The following TLN2 variants were observed in gnomAD, a reference collection of about 807,000 sequenced individuals.
TLN2 encodes talin-2.
A neutral mutation model predicts 294.7 loss-of-function variants in TLN2; 118 were observed. The observed-to-expected ratio is 0.40, with a 90% confidence interval of 0.34 to 0.47. The LOEUF (loss-of-function observed/expected upper bound fraction) is 0.47. Ranked by LOEUF, TLN2 falls within the 20% of genes least tolerant of loss-of-function variation. The probability of loss-of-function intolerance (pLI) is 0.84; values close to 1 mark genes in which losing one functional copy is unlikely to be tolerated. For synonymous variants in TLN2, 1,431 were observed against 1,304.5 expected (o/e 1.10, Z -2.09); for missense variants, 3,083 against 3,282.2 (o/e 0.94, Z 1.48).
chr15:62,543,341 A>C (rs1165772943), intron 1 of TLN2, among the ~76,000 whole-genome samples: 1 of 152,236 alleles, frequency 6.6e-6, no homozygotes, highest in Non-Finnish European at 1.5e-5. Flanking sequence ...AGTACCTACT[A>C]TGCCAAGCTC....
At chr15:62,532,859 C>T (rs569061960) in intron 1 of TLN2, among the ~76,000 whole-genome samples, 4 of 152,246 alleles carry the variant, frequency 2.6e-5, no homozygotes, top group African/African-American at 9.6e-5. Context: ...AGATTAAGTA[C>T]TGAGTCTGAT....
intron 1 of TLN2, among the ~76,000 whole-genome samples, chr15:62,425,991 G>T (rs970992816): frequency 6.6e-6 from 1 of 152,218 alleles, no homozygotes; most frequent in Non-Finnish European, 1.5e-5. Context: ...CCCTTGACCT[G>T]TTAACTGCTT....
At chr15:62,536,700 T>C (rs1040709165) in intron 1 of TLN2, among the ~76,000 whole-genome samples, 4 of 152,162 alleles carry the variant, frequency 2.6e-5, no homozygotes, top group African/African-American at 9.7e-5. Flanking sequence ...CCTTGGGCCT[T>C]GTAAAGTCAG....
chr15:62,595,459 G>C (rs2046416575), intron 2 of TLN2, among the ~76,000 whole-genome samples: 2 of 151,226 alleles, frequency 1.3e-5, no homozygotes, highest in Non-Finnish European at 2.9e-5. Context: ...TGTTGGTGAG[G>C]ATGTGGAGAA....
chr15:62,514,018 C>T (rs1158665979), intron 1 of TLN2, among the ~76,000 whole-genome samples: 6 of 152,182 alleles, frequency 3.9e-5, no homozygotes, highest in Non-Finnish European at 5.9e-5. Flanking sequence ...AAGGAGTTGG[C>T]AGAAACCTCA....
chr15:62,524,508 C>T (rs1276307960), intron 1 of TLN2, among the ~76,000 whole-genome samples: 1 of 152,200 alleles, frequency 6.6e-6, no homozygotes, highest in Non-Finnish European at 1.5e-5. Flanking sequence ...GGAACAAAAG[C>T]CAGTCGTTTC....
chr15:62,683,799 T>A (rs1383893696), intron 11 of TLN2, among the ~76,000 whole-genome samples: 1 of 152,090 alleles, frequency 6.6e-6, no homozygotes, highest in Non-Finnish European at 1.5e-5. Flanking sequence ...CTGGTCTGTG[T>A]AGTTGAAGGT....
chr15:62,712,850 G>A (rs1027368256), intron 22 of TLN2, among the ~76,000 whole-genome samples: 32 of 152,184 alleles, frequency 2.1e-4, no homozygotes, highest in African/African-American at 6.5e-4. Flanking sequence ...TTTTTATTGT[G>A]TACCTAGCAC....
chr15:62,655,238 G>A (rs1229420955), intron 7 of TLN2, among the ~76,000 whole-genome samples: 20 of 152,164 alleles, frequency 1.3e-4, no homozygotes, highest in Admixed American at 1.2e-3. Context: ...ATCTAGAGAC[G>A]CTGGTGATAA....
intron 9 of TLN2, among the ~76,000 whole-genome samples, chr15:62,659,968 T>A (rs1223198055): frequency 6.6e-6 from 1 of 152,238 alleles, no homozygotes. Context: ...ACCTGGGCTG[T>A]CCCTGGTGAC....
chr15:62,797,385 G>A lies in TLN2; in HGVS notation c.6217G>A (p.Asp2073Asn), dbSNP rs780860133. ...GCTGGGGGCAGCCAGCCTGGGCTCCGACGACCCCGAGACCCAGGTACCAGC... is the reference window on the plus strand; with the variant it reads ...GCTGGGGGCAGCCAGCCTGGGCTCCAACGACCCCGAGACCCAGGTACCAGC... ...VKLGAASLGS[D>N]DPETQVVLIN... Residue 2073 changes from aspartate to asparagine, a missense_variant, in exon 48 of 59, where the codon GAC becomes AAC. By Grantham distance (23) the Asp-to-Asn change is conservative (BLOSUM62 1). Transcript: ENST00000636159. 5.2e-5 allele frequency: 83 copies of A among 1,607,426 alleles called. No individual in the cohort carries two copies. Among genetic ancestry groups the A allele is most frequent in the East Asian group, 2.0e-4 (9 of 44,840 alleles).
At chr15:62,564,923 A>ATATAT (rs1442472632) in intron 1 of TLN2, among the ~76,000 whole-genome samples, 2,081 of 101,692 alleles carry the variant, frequency 0.02, 18 homozygotes, top group Non-Finnish European at 0.032. Flanking sequence ...AAAAAAAAAA[A>ATATAT]AAATATATAT....
intron 17 of TLN2, 82 bp downstream of exon 17, chr15:62,701,296 T>G (rs1214071540): frequency 8.7e-7 from 1 of 1,151,530 alleles, no homozygotes; most frequent in Non-Finnish European, 1.2e-6. Context: ...AAATAAGTTA[T>G]CTGTTGATTG....
At chr15:62,564,034 G>T (rs1031319791) in intron 1 of TLN2, among the ~76,000 whole-genome samples, 1 of 152,172 alleles carries the variant, frequency 6.6e-6, no homozygotes, top group African/African-American at 2.4e-5. Flanking sequence ...TATTTGATAA[G>T]GGGCATTTTC....
At chr15:62,471,734 T>G (rs781547423) in intron 1 of TLN2, among the ~76,000 whole-genome samples, 1 of 152,152 alleles carries the variant, frequency 6.6e-6, no homozygotes, top group Admixed American at 6.5e-5. Flanking sequence ...AAGAGTTGGT[T>G]TGGGGAAGGG....
chr15:62,649,136 C>A (rs113864528), intron 4 of TLN2, among the ~76,000 whole-genome samples: 41 of 152,312 alleles, frequency 2.7e-4, no homozygotes, highest in African/African-American at 9.1e-4. Flanking sequence ...GCAACTGCGC[C>A]CCCTGGCTAT....
intron 1 of TLN2, among the ~76,000 whole-genome samples, chr15:62,502,344 C>G (rs2039352701): frequency 6.6e-6 from 1 of 151,938 alleles, no homozygotes. Flanking sequence ...CTGCTGACTT[C>G]TTCTTGTGAG....
At chr15:62,691,281 G>C (rs1004176466) in intron 12 of TLN2, among the ~76,000 whole-genome samples, 4 of 152,030 alleles carry the variant, frequency 2.6e-5, no homozygotes, top group Non-Finnish European at 5.9e-5. Context: ...CTGTTTTTTA[G>C]TTTCTTTTCT....
At chr15:62,774,084 G>A (rs1326202349) in intron 42 of TLN2, among the ~76,000 whole-genome samples, 1 of 151,974 alleles carries the variant, frequency 6.6e-6, no homozygotes, top group Non-Finnish European at 1.5e-5. Flanking sequence ...CAACACTCCA[G>A]CAGAAACGCA....
Sources: gnomAD v4.1 joint callset for allele counts (sites outside exome capture counted in the v4.1 genomes callset) on GRCh38, gnomAD v4.1.1 for gene constraint, MANE v1.5 for transcripts, NCBI Gene and HGNC (gene_info 2026-07-23, HGNC 2026-07-21) for gene names.